Variants in CACNB2 observed in about 807,000 individuals in gnomAD.
CACNB2 encodes the protein voltage-dependent L-type calcium channel subunit beta-2.
A neutral mutation model predicts 73.3 loss-of-function variants in CACNB2; 42 were observed. The observed-to-expected ratio is 0.57, with a 90% CI of 0.45 to 0.74. CACNB2 has a LOEUF of 0.74. CACNB2 is among the 30% of genes least tolerant of loss of function. The probability of loss-of-function intolerance (pLI) is 0.00; values close to 1 mark genes in which losing one functional copy is unlikely to be tolerated. For missense variants in CACNB2, 940 were observed against 853.0 expected (o/e 1.10, Z -1.27); for synonymous variants, 348 against 310.3 (o/e 1.12, Z -1.28).
At chr10:18,368,331 A>C (rs2042439517) in intron 2 of CACNB2, among the ~76,000 whole-genome samples, 2 of 152,162 alleles carry the variant, frequency 1.3e-5, no homozygotes, top group African/African-American at 2.4e-5. Context: ...AAACTTTCAA[A>C]AGAGTAGGAT....
intron 2 of CACNB2, among the ~76,000 whole-genome samples, chr10:18,376,064 T>A (rs2042785996): frequency 6.6e-6 from 1 of 152,220 alleles, no homozygotes; most frequent in Non-Finnish European, 1.5e-5. Context: ...GCAGCACTAT[T>A]CACAGTAGCC....
intron 2 of CACNB2, among the ~76,000 whole-genome samples, chr10:18,247,000 T>C (rs2036889301): frequency 6.6e-6 from 1 of 152,184 alleles, no homozygotes; most frequent in Admixed American, 6.5e-5. Context: ...CATTTCCACC[T>C]GCTGACCGTA....
At chr10:18,145,414 T>C (rs200610391) in intron 1 of CACNB2, among the ~76,000 whole-genome samples, 1 of 43,404 alleles carries the variant, frequency 2.3e-5, no homozygotes, top group African/African-American at 8.8e-5. Flanking sequence ...TTGAATGGTA[T>C]TTTTTTTTTT....
At chr10:18,343,077 AT>A (rs1350448680) in intron 2 of CACNB2, among the ~76,000 whole-genome samples, 1 of 152,200 alleles carries the variant, frequency 6.6e-6, no homozygotes, top group Non-Finnish European at 1.5e-5. Context: ...AACCAATGCA[AT>A]TTGGTGTAAT....
chr10:18,180,714 C>G (rs574569757), intron 2 of CACNB2, among the ~76,000 whole-genome samples: 7 of 152,232 alleles, frequency 4.6e-5, no homozygotes, highest in African/African-American at 1.7e-4. Context: ...CTCCTGTAAT[C>G]CTAGCACTTT....
At chr10:18,163,934 T>A (rs1351748520) in intron 2 of CACNB2, among the ~76,000 whole-genome samples, 9 of 152,056 alleles carry the variant, frequency 5.9e-5, no homozygotes, top group Non-Finnish European at 1.0e-4. Context: ...AGAGTGGAAT[T>A]GTGGGAAGGG....
intron 2 of CACNB2, among the ~76,000 whole-genome samples, chr10:18,341,326 T>G (rs1479872111): frequency 6.6e-6 from 1 of 152,194 alleles, no homozygotes; most frequent in African/African-American, 2.4e-5. Context: ...AGCCACTGAC[T>G]TCTTGTGTGT....
intron 2 of CACNB2, among the ~76,000 whole-genome samples, chr10:18,331,049 G>A (rs1480715908): frequency 4.0e-5 from 6 of 150,492 alleles, no homozygotes; most frequent in Non-Finnish European, 7.4e-5. Flanking sequence ...GCAATGGCGC[G>A]ATCTTGGCCC....
intron 2 of CACNB2, among the ~76,000 whole-genome samples, chr10:18,186,930 T>C (rs550011106): frequency 1.3e-5 from 2 of 152,336 alleles, no homozygotes; most frequent in African/African-American, 4.8e-5. Context: ...AGGGGTTTAA[T>C]AGTAAGATAC....
At chr10:18,365,815 C>G (rs2042322177) in intron 2 of CACNB2, among the ~76,000 whole-genome samples, 1 of 152,092 alleles carries the variant, frequency 6.6e-6, no homozygotes, top group African/African-American at 2.4e-5. Context: ...TCAGTGAATA[C>G]TTTCTCACAC....
intron 2 of CACNB2, among the ~76,000 whole-genome samples, chr10:18,386,628 G>A (rs941411674): frequency 1.3e-5 from 2 of 151,830 alleles, no homozygotes; most frequent in Non-Finnish European, 1.5e-5. Context: ...GGACGGTCTC[G>A]ATCTCCTGAC....
At chr10:18,316,817 C>T (rs1372922904) in intron 2 of CACNB2, among the ~76,000 whole-genome samples, 1 of 152,130 alleles carries the variant, frequency 6.6e-6, no homozygotes, top group Non-Finnish European at 1.5e-5. Context: ...AAGTGGCTTC[C>T]TCCAGGTTCT....
intron 2 of CACNB2, among the ~76,000 whole-genome samples, chr10:18,311,188 C>T (rs1007150068): frequency 1.3e-5 from 2 of 152,062 alleles, no homozygotes; most frequent in African/African-American, 4.8e-5. Flanking sequence ...ACCTTTTAGG[C>T]TCTTCTTTCT....
intron 3 of CACNB2, among the ~76,000 whole-genome samples, chr10:18,459,403 A>T (rs2047448703): frequency 6.6e-6 from 1 of 152,168 alleles, no homozygotes; most frequent in South Asian, 2.1e-4. Context: ...GACTGAGACC[A>T]TTCTTTCAGA....
At chr10:18,156,645 A>G (rs1034151121) in intron 2 of CACNB2, among the ~76,000 whole-genome samples, 2 of 152,192 alleles carry the variant, frequency 1.3e-5, no homozygotes, top group African/African-American at 2.4e-5. Context: ...TTGTAAAGTG[A>G]TAAACTAGCT....
intron 2 of CACNB2, among the ~76,000 whole-genome samples, chr10:18,213,617 A>T (rs527353858): frequency 6.6e-6 from 1 of 152,202 alleles, no homozygotes; most frequent in Admixed American, 6.5e-5. Flanking sequence ...ACTCTCTACT[A>T]CTAGAAATGT....
At chr10:18,372,857 G>T (rs2042645583) in intron 2 of CACNB2, among the ~76,000 whole-genome samples, 1 of 152,174 alleles carries the variant, frequency 6.6e-6, no homozygotes, top group South Asian at 2.1e-4. Flanking sequence ...TCACATACTG[G>T]GAACAGCAGG....
At chr10:18,534,379 G>C (rs755418634) in intron 11 of CACNB2, 152 bp downstream of exon 11, 2 of 736,998 alleles carry the variant, frequency 2.7e-6, no homozygotes, top group Non-Finnish European at 4.7e-6. Flanking sequence ...AATTGATATA[G>C]TTTCATGGCT....
At chr10:18,367,360 C>T (rs559592197) in intron 2 of CACNB2, among the ~76,000 whole-genome samples, 14 of 152,224 alleles carry the variant, frequency 9.2e-5, no homozygotes, top group Admixed American at 5.9e-4. Flanking sequence ...TCAATATCTT[C>T]ACACGTCTTC....
Sources: gnomAD v4.1 joint callset for allele counts (sites outside exome capture counted in the v4.1 genomes callset) on GRCh38, gnomAD v4.1.1 for gene constraint, MANE v1.5 for transcripts, NCBI Gene and HGNC (gene_info 2026-07-23, HGNC 2026-07-21) for gene names.